The following FAM47A variants were observed in gnomAD, a reference collection of about 807,000 sequenced individuals.
FAM47A encodes the protein protein FAM47A.
FAM47A carries 1 observed loss-of-function variant against 2.6 expected under a neutral mutation model. That is an observed-to-expected ratio of 0.39 (90% CI 0.14 to 1.83). FAM47A has a LOEUF of 1.83. FAM47A is among the 40% of genes most tolerant of loss of function. The pLI, the probability that FAM47A is intolerant of heterozygous loss-of-function variation, is 0.32. For synonymous variants in FAM47A, 278 were observed against 270.1 expected (o/e 1.03, Z -0.29); for missense variants, 657 against 673.1 (o/e 0.98, Z 0.26).
Position 34,129,824 on chromosome X carries a change from G to T in FAM47A, c.*79C>A. On this transcript the variant is annotated 3_prime_UTR_variant, in exon 1 of 1. Transcript: ENST00000346193. ...ATGTTGCCAAAGTTGTGCATCCACG[G>T]GGCCAGTCATCATAAATTATGATTG... is the stretch of plus-strand genomic sequence containing the variant. 1.0e-6 allele frequency: 1 copy of T among 970,581 alleles called. No homozygotes were observed. The highest frequency in any genetic ancestry group is 1.4e-6 in the Non-Finnish European group (1 of 716,770). 80.0% of individuals were successfully genotyped at this position (970,581 alleles called of 1,213,427 possible). A position where few individuals can be genotyped will look rare whatever the true frequency, so the allele number is the denominator to read the frequency against.
Position 34,131,359 on chromosome X carries a change from T to C in FAM47A, c.920A>G (p.Glu307Gly), listed in dbSNP as rs1446820061. The change falls in exon 1 of 1, where the codon GAG becomes GGG. Residue 307 changes from glutamate to glycine, a missense_variant. By Grantham distance (98) the Glu-to-Gly change is moderately conservative. Transcript: ENST00000346193. ...PCGKFCPRPFETPLSHLRQEP... is the reference protein window; with the variant it reads ...PCGKFCPRPFGTPLSHLRQEP... ...CTGGCGGAGATGGGACAGTGGAGTC[T>C]CGAAAGGCCGAGGACAGAATTTCCC... 1.7e-6 allele frequency: 2 copies of C among 1,205,622 alleles called. No individual in the cohort carries two copies. Among genetic ancestry groups the C allele is most frequent in the Non-Finnish European group, 2.2e-6 (2 of 893,767 alleles).
Position 34,130,022 on chromosome X carries a change from T to A in FAM47A, c.2257A>T (p.Ile753Phe). The change falls in exon 1 of 1, where the codon ATC becomes TTC. Residue 753 changes from isoleucine to phenylalanine, a missense_variant. Transcript: ENST00000346193. ...CTCCTGGCAAACAGCCTTTGAATGA[T>A]GCCAGGCATTTCATAGCCCTTGCTT... ...ILSKGYEMPGIIQRLFARRGW... is the reference protein window; with the variant it reads ...ILSKGYEMPGFIQRLFARRGW... 8.2e-7 allele frequency: 1 copy of A among 1,212,144 alleles called. No individual in the cohort carries two copies. Among genetic ancestry groups the A allele is most frequent in the East Asian group, 3.0e-5 (1 of 33,836 alleles).
Position 34,131,699 on chromosome X carries a change from T to C in FAM47A, c.580A>G (p.Thr194Ala). The C allele has an allele frequency of 5.0e-6, 6 of 1,207,541 alleles. No individual in the cohort carries two copies. Among genetic ancestry groups the C allele is most frequent in the East Asian group, 3.0e-5 (1 of 33,680 alleles). Reference protein sequence around the residue: ...CGEFCLKPPETPVSHLLPEPP... With the variant: ...CGEFCLKPPEAPVSHLLPEPP... ...TCTGGGAGGAGATGGGACACCGGAG[T>C]CTCGGGAGGCTTCAGGCAGAATTCC... Residue 194 changes from threonine to alanine, a missense_variant, in exon 1 of 1, where the codon ACT (threonine) becomes GCT (alanine). Transcript: ENST00000346193.
chrX:34,131,454 G>A lies in FAM47A; in HGVS notation c.825C>T (p.Asp275=). 1 of 1,209,940 alleles carries A rather than the reference G, an allele frequency of 8.3e-7. No individual in the cohort carries two copies. ...CCCGGCCCTCACAAGGAGCCCGTGC[G>A]TCTTCCAGCTTCCTCTCAGAATCCA... The part of the protein sequence containing the change: ...LKLDSERKLE[D]ARAPCEGREK... The change falls in exon 1 of 1, where the codon GAC becomes GAT. Residue 275 remains aspartate (D), a synonymous_variant. Coordinates refer to ENST00000346193, the MANE Select transcript of FAM47A (RefSeq NM_203408.4).
Position 34,131,029 on chromosome X carries a change from T to A in FAM47A, c.1250A>T (p.Asp417Val), listed in dbSNP as rs370187603. 1.7e-6 allele frequency: 2 copies of A among 1,188,205 alleles called. No homozygotes were observed. Among genetic ancestry groups the A allele is most frequent in the Non-Finnish European group, 1.1e-6 (1 of 884,496 alleles). ...GVCHLRLEPPDTSQVSNLLLY... is the reference protein window; with the variant it reads ...GVCHLRLEPPVTSQVSNLLLY... ...TAGGAGATTGGACACCTGACTAGTG[T>A]CGGGAGGTTCCAGGCGGAGATGGCA... Residue 417 changes from aspartate (D) to valine (V), a missense_variant, in exon 1 of 1, where the codon GAC (aspartate) becomes GTC (valine). By Grantham distance (152) the Asp-to-Val change is radical. Transcript: ENST00000346193.
In FAM47A at chrX:34,132,062, G is replaced by A. The variant is rs201264239; in HGVS notation, c.217C>T (p.Arg73Cys). Reference sequence around the variant, plus strand: ...ATTTTGGGGAGTAAAAACTCGTCACGGCGACAAACGAGAGTATCTTCGGGA... The same window carrying A: ...ATTTTGGGGAGTAAAAACTCGTCACAGCGACAAACGAGAGTATCTTCGGGA... ...PSPEDTLVCR[R>C]DEFLLPKISL... The change falls in exon 1 of 1, where the codon CGT becomes TGT. Residue 73 changes from arginine (R) to cysteine (C), a missense_variant. Arg to Cys is a radical substitution (Grantham distance 180, BLOSUM62 -3). Around this residue, in one of 3 missense-constraint regions of FAM47A, gnomAD observed 436 missense variants for 414.1 expected, o/e 1.05. Coordinates refer to ENST00000346193, the MANE Select transcript of FAM47A (RefSeq NM_203408.4). 2.1e-4 allele frequency: 249 copies of A among 1,208,450 alleles called. No individual in the cohort carries two copies. Among genetic ancestry groups the A allele is most frequent in the Non-Finnish European group, 2.5e-4 (220 of 894,648 alleles).
Position 34,131,175 on chromosome X carries a change from C to A in FAM47A, c.1104G>T (p.Lys368Asn). ...GVSRLRLAPP[K>N]TRRGSSLHAE... is the part of the protein sequence containing the mutation. ...CGTGGAGACTGGACCCCCGACGAGT[C>A]TTGGGAGGCGCTAGGCGGAGACGGG... Residue 368 changes from lysine (K) to asparagine (N), a missense_variant, in exon 1 of 1, where the codon AAG becomes AAT. Around this residue, in one of 3 missense-constraint regions of FAM47A, gnomAD observed 436 missense variants for 414.1 expected, o/e 1.05. Transcript: ENST00000346193. The A allele has an allele frequency of 1.7e-6, 2 of 1,190,697 alleles. No homozygotes were observed. The highest frequency in any genetic ancestry group is 3.0e-5 in the East Asian group (1 of 33,123).
rs780890446 is a variant in FAM47A at position 34,130,402 on chromosome X, C to T, written c.1877G>A (p.Arg626Lys). The T allele has an allele frequency of 5.7e-5, 69 of 1,209,996 alleles. No individual in the cohort carries two copies. The highest frequency in any genetic ancestry group is 7.1e-5 in the Non-Finnish European group (64 of 895,296). ...GDLGADEESI[R>K]NLFDFTPKYR... ...CTTGGGGGTAAAGTCAAACAGATTC[C>T]TGATGGATTCTTCATCAGCTCCCAG... The change falls in exon 1 of 1, where the codon AGG (arginine) becomes AAG (lysine). Residue 626 changes from arginine (R) to lysine (K), a missense_variant. By Grantham distance (26) the Arg-to-Lys change is conservative (BLOSUM62 2). Around this residue, in one of 3 missense-constraint regions of FAM47A, gnomAD observed 198 missense variants for 203.4 expected, o/e 0.97. Transcript: ENST00000346193.
In FAM47A at chrX:34,132,078, A is replaced by G; in HGVS notation, c.201T>C (p.Asp67=). The G allele has an allele frequency of 8.3e-7, 1 of 1,210,669 alleles. No homozygotes were observed. Among genetic ancestry groups the G allele is most frequent in the Non-Finnish European group, 1.1e-6 (1 of 895,043 alleles). The change falls in exon 1 of 1, where the codon GAT becomes GAC. Residue 67 remains aspartate (D), a synonymous_variant. Coordinates refer to ENST00000346193, the MANE Select transcript of FAM47A (RefSeq NM_203408.4). ...ACTCGTCACGGCGACAAACGAGAGT[A>G]TCTTCGGGAGACGGACAGCCGTAGC... ...DFRYGCPSPE[D]TLVCRRDEFL...
In FAM47A at chrX:34,131,011, T is replaced by C. The variant is rs377420515; in HGVS notation, c.1268A>G (p.Asn423Ser). ...LEPPDTSQVS[N>S]LLLYILKVLD... The stretch of plus-strand genomic sequence containing the variant: ...CACTTTCAGTATGTATAGTAGGAGA[T>C]TGGACACCTGACTAGTGTCGGGAGG... Residue 423 changes from asparagine (N) to serine (S), a missense_variant, in exon 1 of 1, where the codon AAT (asparagine) becomes AGT (serine). Asn to Ser is a conservative substitution (Grantham distance 46). This residue lies in a region of FAM47A where 436 missense variants were observed against 414.1 expected (regional missense o/e 1.05). Coordinates refer to ENST00000346193, the MANE Select transcript of FAM47A (RefSeq NM_203408.4). 4.2e-6 allele frequency: 5 copies of C among 1,190,014 alleles called. No homozygotes were observed. The highest frequency in any genetic ancestry group is 6.0e-5 in the East Asian group (2 of 33,420).
Position 34,131,370 on chromosome X carries a change from A to G in FAM47A, c.909T>C (p.Pro303=), listed in dbSNP as rs1383740509. The G allele has an allele frequency of 8.3e-7, 1 of 1,200,344 alleles. No homozygotes were observed. The highest frequency in any genetic ancestry group is 1.9e-5 in the African/African-American group (1 of 53,932). The change falls in exon 1 of 1, where the codon CCT becomes CCC. Residue 303 remains proline (P), a synonymous_variant. Coordinates refer to ENST00000346193, the MANE Select transcript of FAM47A (RefSeq NM_203408.4). ...PGKYPCGKFC[P]RPFETPLSHL... ...GGGACAGTGGAGTCTCGAAAGGCCG[A>G]GGACAGAATTTCCCACAAGGGTATT...
Position 34,131,604 on chromosome X carries a change from C to T in FAM47A, c.675G>A (p.Pro225=), listed in dbSNP as rs776044393. Residue 225 remains proline, a synonymous_variant, in exon 1 of 1, where the codon CCG becomes CCA. Transcript: ENST00000346193. ...GGGACACTCCAGTCTCAGGAGGCTC[C>T]GGGCGGAGACTGGACACCGGAGTCT... is the stretch of plus-strand genomic sequence containing the variant. ...PPKTPVSSLR[P]EPPETGVSHL... is the part of the protein sequence containing the mutation. 16 of 1,203,417 alleles carry T rather than the reference C, an allele frequency of 1.3e-5. No homozygotes were observed. The highest frequency in any genetic ancestry group is 1.8e-5 in the Non-Finnish European group (16 of 892,370).
rs765925816 is a variant in FAM47A at position 34,132,260 on chromosome X, G to T, written c.19C>A (p.Gln7Lys). The change falls in exon 1 of 1, where the codon CAG becomes AAG. Residue 7 changes from glutamine (Q) to lysine (K), a missense_variant. Coordinates refer to ENST00000346193, the MANE Select transcript of FAM47A (RefSeq NM_203408.4). The part of the protein sequence containing the change: MGDQRL[Q>K]DWLRSPGMDS... ...ATGCCCGGGGACCTCAGCCAGTCCTGCAGCCTCTGGTCCCCCATGGTGGCC... is the reference window on the plus strand; with the variant it reads ...ATGCCCGGGGACCTCAGCCAGTCCTTCAGCCTCTGGTCCCCCATGGTGGCC... 6.0e-6 allele frequency: 7 copies of T among 1,172,122 alleles called. No individual in the cohort carries two copies. Among genetic ancestry groups the T allele is most frequent in the Non-Finnish European group, 8.0e-6 (7 of 876,361 alleles).
rs760432615 is a variant in FAM47A, at chrX:34,131,701, T to C, written c.578A>G (p.Glu193Gly). The change falls in exon 1 of 1, where the codon GAG becomes GGG. Residue 193 changes from glutamate to glycine, a missense_variant. Glu to Gly is a moderately conservative substitution (Grantham distance 98). Transcript: ENST00000346193. ...PCGEFCLKPP[E>G]TPVSHLLPEP... ...TGGGAGGAGATGGGACACCGGAGTCTCGGGAGGCTTCAGGCAGAATTCCCC... is the reference window on the plus strand; with the variant it reads ...TGGGAGGAGATGGGACACCGGAGTCCCGGGAGGCTTCAGGCAGAATTCCCC... 8.3e-7 allele frequency: 1 copy of C among 1,206,526 alleles called. No individual in the cohort carries two copies. Among genetic ancestry groups the C allele is most frequent in the East Asian group, 3.0e-5 (1 of 33,635 alleles).
chrX:34,131,459 C>G lies in FAM47A; in HGVS notation c.820G>C (p.Glu274Gln). ...LLKLDSERKLEDARAPCEGRE... is the reference protein window; with the variant it reads ...LLKLDSERKLQDARAPCEGRE... ...CCCTCACAAGGAGCCCGTGCGTCTTCCAGCTTCCTCTCAGAATCCAGTTTC... is the reference window on the plus strand; with the variant it reads ...CCCTCACAAGGAGCCCGTGCGTCTTGCAGCTTCCTCTCAGAATCCAGTTTC... The change falls in exon 1 of 1, where the codon GAA (glutamate) becomes CAA (glutamine). Residue 274 changes from glutamate to glutamine, a missense_variant. By Grantham distance (29) the Glu-to-Gln change is conservative (BLOSUM62 2). Coordinates refer to ENST00000346193, the MANE Select transcript of FAM47A (RefSeq NM_203408.4). 1 of 1,209,978 alleles carries G rather than the reference C, an allele frequency of 8.3e-7. No homozygotes were observed. The highest frequency in any genetic ancestry group is 1.1e-6 in the Non-Finnish European group (1 of 895,144).
In FAM47A at chrX:34,130,501, T is replaced by G; in HGVS notation, c.1778A>C (p.Glu593Ala). 8.3e-7 allele frequency: 1 copy of G among 1,211,527 alleles called. No homozygotes were observed. Among genetic ancestry groups the G allele is most frequent in the East Asian group, 3.0e-5 (1 of 33,814 alleles). ...ATATTGAAGAGAGTCAGAAACGCAC[T>G]CTTTTGTGCTTGGTGTATCTTCCTG... ...LLQEDTPSTK[E>A]CVSDSLQYRY... is the part of the protein sequence containing the mutation. Residue 593 changes from glutamate (E) to alanine (A), a missense_variant, in exon 1 of 1, where the codon GAG (glutamate) becomes GCG (alanine). This residue lies in a region of FAM47A where 198 missense variants were observed against 203.4 expected (regional missense o/e 0.97). Transcript: ENST00000346193.
In FAM47A at chrX:34,131,437, T is replaced by G. The variant is rs1187576607; in HGVS notation, c.842A>C (p.Glu281Ala). Residue 281 changes from glutamate to alanine, a missense_variant, in exon 1 of 1, where the codon GAG becomes GCG. Glu to Ala is a moderately radical substitution (Grantham distance 107, BLOSUM62 -1). This residue lies in a region of FAM47A where 436 missense variants were observed against 414.1 expected (regional missense o/e 1.05). Coordinates refer to ENST00000346193, the MANE Select transcript of FAM47A (RefSeq NM_203408.4). ...RKLEDARAPC[E>A]GREKTTDEPT... ...TTCGTCAGTTGTCTTCTCCCGGCCCTCACAAGGAGCCCGTGCGTCTTCCAG... is the reference window on the plus strand; with the variant it reads ...TTCGTCAGTTGTCTTCTCCCGGCCCGCACAAGGAGCCCGTGCGTCTTCCAG... 1 of 1,209,789 alleles carries G rather than the reference T, an allele frequency of 8.3e-7. No individual in the cohort carries two copies. The highest frequency in any genetic ancestry group is 3.0e-5 in the East Asian group (1 of 33,702).
Position 34,131,584 on chromosome X carries a change from A to G in FAM47A, c.695T>C (p.Val232Ala). The G allele has an allele frequency of 8.5e-7, 1 of 1,183,147 alleles. No individual in the cohort carries two copies. The highest frequency in any genetic ancestry group is 1.1e-6 in the Non-Finnish European group (1 of 883,750). ...SLRPEPPETG[V>A]SHLRPEPPET... ...TGGAGGCTCCGGGCGGAGATGGGAC[A>G]CTCCAGTCTCAGGAGGCTCCGGGCG... Residue 232 changes from valine to alanine, a missense_variant, in exon 1 of 1, where the codon GTG (valine) becomes GCG (alanine). Val to Ala is a moderately conservative substitution (Grantham distance 64, BLOSUM62 0). Around this residue, in one of 3 missense-constraint regions of FAM47A, gnomAD observed 436 missense variants for 414.1 expected, o/e 1.05. Coordinates refer to ENST00000346193, the MANE Select transcript of FAM47A (RefSeq NM_203408.4).
Position 34,132,296 on chromosome X carries a change from T to C in FAM47A, c.-18A>G. 4.4e-6 allele frequency: 5 copies of C among 1,144,881 alleles called. No individual in the cohort carries two copies. Among genetic ancestry groups the C allele is most frequent in the Non-Finnish European group, 5.8e-6 (5 of 863,032 alleles). The allele number at this position is 1,144,881 out of a possible 1,213,427, so 94.4% of individuals were successfully genotyped here. A position where few individuals can be genotyped will look rare whatever the true frequency, so the allele number is the denominator to read the frequency against. On this transcript the variant is annotated 5_prime_UTR_variant, in exon 1 of 1. Transcript: ENST00000346193. ...TCCCCCATGGTGGCCCTCGCTGTGG[T>C]GCCACGTCTCCAGCTTCTGAGGTCC...
Sources: gnomAD v4.1 joint callset for allele counts on GRCh38, gnomAD v4.1.1 for gene constraint, gnomAD v4.1.1 regional missense constraint, MANE v1.5 for transcripts, NCBI Gene and HGNC (gene_info 2026-07-23, HGNC 2026-07-21) for gene names.